PRR16: variants seen among roughly 807,000 people sequenced by gnomAD.
PRR16 encodes the protein protein Largen.
In PRR16, 6 loss-of-function variants were observed where a neutral mutation model predicts 18.2. The ratio of observed to expected loss-of-function variants is 0.33; its 90% CI spans 0.18 to 0.65. The LOEUF (loss-of-function observed/expected upper bound fraction) is 0.65, where lower values mean the gene tolerates loss of function less well. PRR16 is among the 30% of genes least tolerant of loss of function. The pLI is 0.74. For missense variants in PRR16, 412 were observed against 376.6 expected, an observed-to-expected ratio of 1.09 and a Z score of -0.78; for synonymous variants, 151 against 147.8, an observed-to-expected ratio of 1.02 and a Z score of -0.16.
chr5:120,792,934 C>G, the PRR16 span, among the ~76,000 whole-genome samples: 12 of 149,508 alleles, frequency 8.0e-5, no homozygotes, highest in African/African-American at 2.9e-4. Flanking sequence ...AGGGGGATCA[C>G]TTGAGCTTAG....
intron 1 of PRR16, among the ~76,000 whole-genome samples, chr5:120,635,598 T>A (rs925728855): frequency 6.6e-6 from 1 of 151,906 alleles, no homozygotes; most frequent in African/African-American, 2.4e-5. Flanking sequence ...TTAGCAAAAT[T>A]GGCACAGAAG....
rs1238375245 is a variant in PRR16, at chr5:120,652,328, A to G, written c.160-33626A>G. Among the ~76,000 whole-genome samples the G allele has an allele frequency of 2.0e-5, 3 of 152,108 alleles. No homozygotes were observed. The East Asian group carries it at 5.8e-4, about 29-fold the overall frequency. The stretch of plus-strand genomic sequence containing the variant: ...TAGGTTTCTGTATAGTATAGCAGTC[A>G]TGATATACTTTGGAGTCATATAAGC... On this transcript the variant is annotated intron_variant, in intron 1 of 1. Coordinates refer to ENST00000407149, the MANE Select transcript of PRR16 (RefSeq NM_001300783.2).
At chr5:120,703,068 A>G in the PRR16 span, among the ~76,000 whole-genome samples, 13 of 152,170 alleles carry the variant, frequency 8.5e-5, no homozygotes, top group Non-Finnish European at 1.9e-4. Flanking sequence ...GAGTCAGCGA[A>G]GGGAGATAAG....
At chr5:120,741,273 T>C in the PRR16 span, among the ~76,000 whole-genome samples, 1 of 152,032 alleles carries the variant, frequency 6.6e-6, no homozygotes, top group East Asian at 1.9e-4. Context: ...TGAGGCAGAG[T>C]CTCACTGTGT....
chr5:120,771,096 TTAAG>T, the PRR16 span, among the ~76,000 whole-genome samples: 11 of 152,150 alleles, frequency 7.2e-5, no homozygotes, highest in South Asian at 1.2e-3. Context: ...ATGGTTCAAA[TTAAG>T]TAAGTTAGAT....
chr5:120,519,842 A>G (rs1480681625), intron 1 of PRR16, among the ~76,000 whole-genome samples: 5 of 152,150 alleles, frequency 3.3e-5, no homozygotes, highest in African/African-American at 1.2e-4. Context: ...AGCTTCCTAG[A>G]GCTGAAAAAG....
intron 1 of PRR16, among the ~76,000 whole-genome samples, chr5:120,643,566 T>C (rs1755492951): frequency 6.6e-6 from 1 of 152,164 alleles, no homozygotes; most frequent in South Asian, 2.1e-4. Flanking sequence ...TTTTTAACTA[T>C]TAAAACCTGA....
At chr5:120,749,389 T>A in the PRR16 span, among the ~76,000 whole-genome samples, 1 of 152,164 alleles carries the variant, frequency 6.6e-6, no homozygotes. Context: ...TTATTTTTTA[T>A]CCATCCATGG....
At chr5:120,609,603 A>C (rs942030173) in intron 1 of PRR16, among the ~76,000 whole-genome samples, 1 of 152,196 alleles carries the variant, frequency 6.6e-6, no homozygotes, top group Non-Finnish European at 1.5e-5. Context: ...ATCTTATTGA[A>C]TTATTTTCTT....
chr5:120,757,520 AC>A, the PRR16 span, among the ~76,000 whole-genome samples: 3 of 151,852 alleles, frequency 2.0e-5, no homozygotes, highest in Middle Eastern at 3.4e-3. Context: ...AATTTGATCT[AC>A]TGGCTTTCTT....
chr5:120,724,999 T>C, the PRR16 span, among the ~76,000 whole-genome samples: 4 of 152,084 alleles, frequency 2.6e-5, no homozygotes, highest in Non-Finnish European at 4.4e-5. Flanking sequence ...GGTGAACATG[T>C]CATCCTTTTA....
At chr5:120,656,213 T>G (rs1028145030) in intron 1 of PRR16, among the ~76,000 whole-genome samples, 3 of 151,936 alleles carry the variant, frequency 2.0e-5, no homozygotes, top group Non-Finnish European at 4.4e-5. Context: ...TTCTGCTGAC[T>G]GAAGTTCTGC....
chr5:120,726,546 T>C, the PRR16 span, among the ~76,000 whole-genome samples: 1 of 152,098 alleles, frequency 6.6e-6, no homozygotes, highest in Non-Finnish European at 1.5e-5. Flanking sequence ...AAAAGGCAGC[T>C]GTCGTCATCA....
intron 1 of PRR16, among the ~76,000 whole-genome samples, chr5:120,644,946 T>A (rs182197718): frequency 8.5e-5 from 13 of 152,254 alleles, no homozygotes; most frequent in African/African-American, 3.1e-4. Context: ...TGCAACTAAT[T>A]CGTCTAAAGC....
chr5:120,525,557 ATTGAC>A (rs1327053988), intron 1 of PRR16, among the ~76,000 whole-genome samples: 2 of 151,422 alleles, frequency 1.3e-5, no homozygotes, highest in East Asian at 3.9e-4. Flanking sequence ...AATATACAAT[ATTGAC>A]CTAATTTAAG....
At chr5:120,704,002 G>A in the PRR16 span, among the ~76,000 whole-genome samples, 1 of 152,188 alleles carries the variant, frequency 6.6e-6, no homozygotes. Context: ...TGATGATACA[G>A]CTGGACTTAG....
intron 1 of PRR16, among the ~76,000 whole-genome samples, chr5:120,478,230 T>A (rs1298215414): frequency 6.6e-6 from 1 of 152,212 alleles, no homozygotes; most frequent in Non-Finnish European, 1.5e-5. Flanking sequence ...TAGTTTCTAC[T>A]GCAATCCAAT....
chr5:120,724,703 C>T, the PRR16 span, among the ~76,000 whole-genome samples: 34 of 152,056 alleles, frequency 2.2e-4, 1 homozygote, highest in South Asian at 6.6e-3. Context: ...CAGATATCTC[C>T]CCTACCTGCA....
At position 120,646,048 on chromosome 5, in the gene PRR16, T is replaced by TATATATATATA. The variant is rs1755584808; in HGVS notation, c.160-39906_160-39905insATATATATATA. On this transcript the variant is annotated intron_variant, in intron 1 of 1. Transcript: ENST00000407149. ...CAAATTACAAAAAAAAATACATATT[T>TATATATATATA]TATATATATATATATATATATATAT... Among the ~76,000 whole-genome samples the TATATATATATA allele has an allele frequency of 4.4e-3, 461 of 104,948 alleles. 7 individuals are homozygous for TATATATATATA. Among genetic ancestry groups the TATATATATATA allele is most frequent in the Admixed American group, 0.019 (162 of 8,728 alleles). The allele number at this position is 104,948 out of a possible 152,430, so 68.8% of individuals were successfully genotyped here.
Sources: allele counts gnomAD v4.1 joint callset (sites outside exome capture counted in the v4.1 genomes callset), GRCh38; gene constraint gnomAD v4.1.1; transcripts MANE v1.5; gene names NCBI Gene and HGNC (gene_info 2026-07-23, HGNC 2026-07-21).